Variants in ITGA9 observed in about 807,000 individuals in gnomAD.
The protein encoded by ITGA9 is integrin alpha-9.
Under a neutral mutation model 127.8 loss-of-function variants are expected in ITGA9, and 56 were observed. The observed-to-expected ratio is 0.44, with a 90% CI of 0.35 to 0.55. ITGA9 has a LOEUF of 0.55. Among genes scored for constraint, ITGA9 ranks in the 20% least tolerant of loss-of-function variants. The pLI, the probability that ITGA9 is intolerant of heterozygous loss-of-function variation, is 0.00. For missense variants in ITGA9, 1,196 were observed against 1,347.1 expected, an observed-to-expected ratio of 0.89 and a Z score of 1.76; for synonymous variants, 508 against 514.5, an observed-to-expected ratio of 0.99 and a Z score of 0.17.
At chr3:37,638,185 G>A (rs1700299264) in intron 16 of ITGA9, among the ~76,000 whole-genome samples, 1 of 152,142 alleles carries the variant, frequency 6.6e-6, no homozygotes, top group African/African-American at 2.4e-5. Flanking sequence ...AGTAGTATCA[G>A]CATGTTTTCT....
At position 37,597,517 on chromosome 3, in the gene ITGA9, A is replaced by G. The variant is rs111660010; in HGVS notation, c.1690-31670A>G. 0.012 allele frequency among the ~76,000 whole-genome samples: 1,763 copies of G among 152,314 alleles called. 20 individuals carry two copies. Among genetic ancestry groups the G allele is most frequent in the South Asian group, 0.03 (144 of 4,822 alleles). ...GAGGTAGAACTCCCACAGTTTCCTC[A>G]TCTCTATTGTACATAGTAATCAGGG... On this transcript the variant is annotated intron_variant, in intron 15 of 27. Transcript: ENST00000264741. This position sits in a 1 kb window ranked among gnomAD's most constrained non-coding sequence, Gnocchi z 4.6.
chr3:37,454,428 C>T (rs1432119606), intron 1 of ITGA9, among the ~76,000 whole-genome samples: 3 of 152,188 alleles, frequency 2.0e-5, no homozygotes, highest in African/African-American at 7.2e-5. Context: ...GACAGTCTGG[C>T]CTTCAGCTTG....
At chr3:37,630,653 A>G (rs534563467) in intron 16 of ITGA9, among the ~76,000 whole-genome samples, 1 of 152,318 alleles carries the variant, frequency 6.6e-6, no homozygotes, top group South Asian at 2.1e-4. Flanking sequence ...CAGCCTACAC[A>G]CACATCAGCC....
chr3:37,539,680 C>T (rs1699247171), intron 14 of ITGA9, among the ~76,000 whole-genome samples: 1 of 152,180 alleles, frequency 6.6e-6, no homozygotes, highest in African/African-American at 2.4e-5. Flanking sequence ...TAAAAAAATA[C>T]CTTCTCAGTG....
chr3:37,738,812 C>T (rs1049819339), intron 20 of ITGA9, among the ~76,000 whole-genome samples: 2 of 152,220 alleles, frequency 1.3e-5, no homozygotes, highest in African/African-American at 2.4e-5. Context: ...CACTTCCTGC[C>T]TCCACCTAAT....
At chr3:37,693,093 A>G (rs892447124) in intron 18 of ITGA9, among the ~76,000 whole-genome samples, 1 of 152,168 alleles carries the variant, frequency 6.6e-6, no homozygotes, top group African/African-American at 2.4e-5. Flanking sequence ...ACTCCTGATC[A>G]TGCTCTAGCG....
intron 17 of ITGA9, among the ~76,000 whole-genome samples, chr3:37,678,131 C>T (rs1700700241): frequency 1.3e-5 from 2 of 152,188 alleles, no homozygotes; most frequent in South Asian, 4.1e-4. Context: ...CTGCTATGAA[C>T]ATGGGGGAAC....
At chr3:37,665,909 A>G (rs150398734) in intron 17 of ITGA9, among the ~76,000 whole-genome samples, 58 of 152,324 alleles carry the variant, frequency 3.8e-4, no homozygotes, top group Admixed American at 1.6e-3. Context: ...TGTAAGGGAC[A>G]GTCACACTCT....
intron 18 of ITGA9, among the ~76,000 whole-genome samples, chr3:37,697,316 A>G (rs1470693297): frequency 3.4e-5 from 2 of 58,168 alleles, no homozygotes; most frequent in African/African-American, 1.0e-4. Flanking sequence ...TGTTATTATT[A>G]TTATTATTAT....
At chr3:37,606,750 C>A (rs938035056) in intron 15 of ITGA9, among the ~76,000 whole-genome samples, 1 of 152,082 alleles carries the variant, frequency 6.6e-6, no homozygotes, top group Non-Finnish European at 1.5e-5. Flanking sequence ...ATCAGCCCCC[C>A]TCAATGACCA....
intron 12 of ITGA9, 85 bp from the exon 13 acceptor site, chr3:37,525,941 C>A: frequency 9.0e-7 from 1 of 1,108,628 alleles, no homozygotes; most frequent in Non-Finnish European, 1.4e-6. Flanking sequence ...AAGGCTGGGT[C>A]TCCATCCTTG....
At chr3:37,518,348 C>T (rs1699008629) in intron 10 of ITGA9, among the ~76,000 whole-genome samples, 1 of 152,216 alleles carries the variant, frequency 6.6e-6, no homozygotes, top group African/African-American at 2.4e-5. Context: ...TTGATACCTC[C>T]TACCACTGGC....
intron 16 of ITGA9, among the ~76,000 whole-genome samples, chr3:37,646,549 A>G (rs1700378625): frequency 6.6e-6 from 1 of 152,230 alleles, no homozygotes; most frequent in South Asian, 2.1e-4. Flanking sequence ...GTCTCCCGAG[A>G]GAAAGGTTTG....
chr3:37,678,158 T>A (rs1700700659), intron 17 of ITGA9, among the ~76,000 whole-genome samples: 1 of 152,246 alleles, frequency 6.6e-6, no homozygotes, highest in Non-Finnish European at 1.5e-5. Context: ...CTCTTTGAGT[T>A]CCTGCTTTCA....
intron 15 of ITGA9, among the ~76,000 whole-genome samples, chr3:37,578,009 A>T (rs1699669720): frequency 6.6e-6 from 1 of 152,182 alleles, no homozygotes; most frequent in African/African-American, 2.4e-5. Context: ...AGTTTTAAAG[A>T]ATTCTTGCTA....
chr3:37,612,884 G>A (rs1047821821), intron 15 of ITGA9, among the ~76,000 whole-genome samples: 16 of 151,772 alleles, frequency 1.1e-4, no homozygotes, highest in Non-Finnish European at 2.9e-5. Flanking sequence ...CTAAAAATGG[G>A]GGCAAAACAT....
intron 18 of ITGA9, among the ~76,000 whole-genome samples, chr3:37,726,608 G>A (rs371988624): frequency 1.3e-5 from 2 of 152,210 alleles, no homozygotes; most frequent in Non-Finnish European, 2.9e-5. Context: ...CCAAGCTTCC[G>A]GGGCTGGGAC....
chr3:37,560,115 C>T (rs868016104), intron 15 of ITGA9, among the ~76,000 whole-genome samples: 2 of 151,804 alleles, frequency 1.3e-5, no homozygotes, highest in Non-Finnish European at 2.9e-5. Flanking sequence ...CGCCACCCCC[C>T]GACAGGCCCC....
At position 37,822,363 on chromosome 3, in the gene ITGA9, A is replaced by T. The variant is rs917933723; in HGVS notation, c.*3374A>T. The T allele has an allele frequency of 1.3e-5, 2 of 150,572 alleles. No homozygotes were observed. Among genetic ancestry groups the T allele is most frequent in the Admixed American group, 6.6e-5 (1 of 15,126 alleles). The allele number at this position is 150,572 out of a possible 1,614,324, so 9.3% of individuals were successfully genotyped here. A position where few individuals can be genotyped will look rare whatever the true frequency, so the allele number is the denominator to read the frequency against. On this transcript the variant is annotated 3_prime_UTR_variant, in exon 28 of 28. Coordinates refer to ENST00000264741, the MANE Select transcript of ITGA9 (RefSeq NM_002207.3). The stretch of plus-strand genomic sequence containing the variant: ...GCTTAATTTACATAGGACTCAGGAG[A>T]GTTTGGAACATCCTCCAAGTGGGCC...
Sources: gnomAD v4.1 joint callset for allele counts (sites outside exome capture counted in the v4.1 genomes callset) on GRCh38, gnomAD v4.1.1 for gene constraint, Gnocchi (gnomAD v3.1) non-coding constraint, MANE v1.5 for transcripts, NCBI Gene and HGNC (gene_info 2026-07-23, HGNC 2026-07-21) for gene names.